The following PABPC4L variants were observed in gnomAD, a reference collection of about 807,000 sequenced individuals.
The protein encoded by PABPC4L is polyadenylate-binding protein 4-like.
For missense variants in PABPC4L, 452 were observed against 451.4 expected (o/e 1.00, Z -0.01); for synonymous variants, 169 against 164.1 (o/e 1.03, Z -0.23).
the PABPC4L span, among the ~76,000 whole-genome samples, chr4:134,118,840 G>A: frequency 1.3e-5 from 2 of 151,708 alleles, no homozygotes; most frequent in African/African-American, 4.8e-5. Context: ...GCTGTCTCTT[G>A]TGTGTTGTAA....
chr4:134,174,203 A>G, the PABPC4L span, among the ~76,000 whole-genome samples: 4 of 151,982 alleles, frequency 2.6e-5, no homozygotes, highest in Admixed American at 2.6e-4. Context: ...ATCTCATCAA[A>G]TATATGGAGC....
At chr4:133,948,746 G>C in the PABPC4L span, among the ~76,000 whole-genome samples, 1,039 of 152,290 alleles carry the variant, frequency 6.8e-3, 13 homozygotes, top group African/African-American at 0.024. Flanking sequence ...AGGCCTCTCA[G>C]CAGAGCATGC....
At chr4:134,171,365 C>T in the PABPC4L span, among the ~76,000 whole-genome samples, 5 of 152,092 alleles carry the variant, frequency 3.3e-5, no homozygotes, top group South Asian at 2.1e-4. Context: ...CCACTTGCCT[C>T]GGCCTCCCAA....
At chr4:133,996,888 G>C in the PABPC4L span, among the ~76,000 whole-genome samples, 1 of 152,180 alleles carries the variant, frequency 6.6e-6, no homozygotes, top group South Asian at 2.1e-4. Context: ...GTAGAGAGCA[G>C]TCCTGCAGTG....
chr4:134,135,750 T>C, the PABPC4L span, among the ~76,000 whole-genome samples: 2 of 152,052 alleles, frequency 1.3e-5, no homozygotes, highest in Non-Finnish European at 2.9e-5. Flanking sequence ...GGAGAATTCC[T>C]TGAACCAGGG....
the PABPC4L span, among the ~76,000 whole-genome samples, chr4:134,015,340 C>T: frequency 6.6e-6 from 1 of 152,108 alleles, no homozygotes; most frequent in Non-Finnish European, 1.5e-5. Flanking sequence ...TGCCTATCCA[C>T]CCCATGGTGC....
chr4:134,196,251 A>G (rs987123282), downstream of PABPC4L: 4 of 151,562 alleles, frequency 2.6e-5, no homozygotes, highest in African/African-American at 7.2e-5. Flanking sequence ...AACACAAGTA[A>G]TTTTCAGTTC....
the PABPC4L span, among the ~76,000 whole-genome samples, chr4:133,954,716 T>C: frequency 6.6e-6 from 1 of 152,138 alleles, no homozygotes; most frequent in South Asian, 2.1e-4. Flanking sequence ...ATTAAAAATA[T>C]GCAAAATTGA....
the PABPC4L span, among the ~76,000 whole-genome samples, chr4:134,151,871 T>C: frequency 6.6e-6 from 1 of 151,814 alleles, no homozygotes; most frequent in African/African-American, 2.4e-5. Context: ...AATATAAGAA[T>C]ATTCCTGGTA....
chr4:134,166,404 G>A, the PABPC4L span, among the ~76,000 whole-genome samples: 17 of 152,148 alleles, frequency 1.1e-4, no homozygotes, highest in African/African-American at 4.1e-4. Context: ...GAAAGCTTAG[G>A]TTTCCCCATC....
At chr4:133,995,151 C>A in the PABPC4L span, among the ~76,000 whole-genome samples, 4 of 152,144 alleles carry the variant, frequency 2.6e-5, no homozygotes, top group Non-Finnish European at 5.9e-5. Context: ...TAGGGGGTTG[C>A]CGTTTTTATC....
downstream of PABPC4L, among the ~76,000 whole-genome samples, chr4:134,193,305 T>G (rs904578774): frequency 1.6e-4 from 24 of 152,056 alleles, no homozygotes; most frequent in African/African-American, 5.8e-4. Flanking sequence ...TAAGATCAGA[T>G]ATCCCACAAA....
the PABPC4L span, among the ~76,000 whole-genome samples, chr4:134,179,287 T>C: frequency 2.0e-5 from 3 of 152,060 alleles, no homozygotes; most frequent in Non-Finnish European, 4.4e-5. Context: ...AAGAATTTCA[T>C]ATCCAGCCAA....
the PABPC4L span, among the ~76,000 whole-genome samples, chr4:134,145,309 TTAC>T: frequency 6.6e-6 from 1 of 151,872 alleles, no homozygotes; most frequent in East Asian, 1.9e-4. Flanking sequence ...ATTACAGACT[TTAC>T]TCCTATTTGG....
At chr4:134,165,311 G>T in the PABPC4L span, among the ~76,000 whole-genome samples, 1 of 152,064 alleles carries the variant, frequency 6.6e-6, no homozygotes, top group East Asian at 1.9e-4. Context: ...AAAAGCTTCT[G>T]CACAGCAGAA....
chr4:133,978,161 G>A, the PABPC4L span: 1 of 152,182 alleles, frequency 6.6e-6, no homozygotes, highest in Non-Finnish European at 1.5e-5. Flanking sequence ...AAAGCAACAA[G>A]TATGTTACAG....
At chr4:134,107,736 T>C in the PABPC4L span, among the ~76,000 whole-genome samples, 1 of 151,670 alleles carries the variant, frequency 6.6e-6, no homozygotes, top group Non-Finnish European at 1.5e-5. Flanking sequence ...TAAATATCTC[T>C]TTATTACAAG....
chr4:134,079,732 C>T, the PABPC4L span, among the ~76,000 whole-genome samples: 1 of 151,416 alleles, frequency 6.6e-6, no homozygotes, highest in Admixed American at 6.6e-5. Context: ...AGAGATTTCC[C>T]CCCAATTAAT....
At chr4:134,015,835 C>CT in the PABPC4L span, among the ~76,000 whole-genome samples, 2 of 152,174 alleles carry the variant, frequency 1.3e-5, no homozygotes, top group African/African-American at 4.8e-5. Context: ...TGCCCTAATA[C>CT]TTTTAGAGGC....
Sources: allele counts gnomAD v4.1 joint callset (sites outside exome capture counted in the v4.1 genomes callset), GRCh38; gene constraint gnomAD v4.1.1; transcripts MANE v1.5; gene names NCBI Gene and HGNC (gene_info 2026-07-23, HGNC 2026-07-21).